The following CSNK1G1 variants were observed in gnomAD, a reference collection of about 807,000 sequenced individuals.
CSNK1G1 encodes casein kinase 1 gamma 1.
Under a neutral mutation model 59.6 loss-of-function variants are expected in CSNK1G1, and 22 were observed. The ratio of observed to expected loss-of-function variants is 0.37; its 90% CI spans 0.26 to 0.53. CSNK1G1 has a LOEUF of 0.53. Ranked by LOEUF, CSNK1G1 falls within the 20% of genes least tolerant of loss-of-function variation. The pLI, the probability that CSNK1G1 is intolerant of heterozygous loss-of-function variation, is 0.89. For synonymous variants in CSNK1G1, 179 were observed against 177.1 expected, an observed-to-expected ratio of 1.01 and a Z score of -0.08; for missense variants, 384 against 519.5, an observed-to-expected ratio of 0.74 and a Z score of 2.54.
chr15:64,190,485 G>A lies in CSNK1G1; in HGVS notation c.1108-10031C>T, dbSNP rs141163282. Among the ~76,000 whole-genome samples, 784 of 152,180 alleles carry A rather than the reference G, an allele frequency of 5.2e-3. 10 individuals carry two copies. The highest frequency in any genetic ancestry group is 0.018 in the African/African-American group (727 of 41,510). On this transcript the variant is annotated intron_variant, in intron 10 of 11. Coordinates refer to ENST00000303052, the MANE Select transcript of CSNK1G1 (RefSeq NM_022048.5). The stretch of plus-strand genomic sequence containing the variant: ...GCTAAAGTGCAATGGCGCGATCTCC[G>A]CTCACCACAACCTCCGCCTCTCAGG...
intron 2 of CSNK1G1, among the ~76,000 whole-genome samples, chr15:64,267,226 C>T (rs1206928300): frequency 2.8e-5 from 4 of 141,494 alleles, no homozygotes; most frequent in Admixed American, 2.2e-4. Context: ...CACTGCACTC[C>T]AGCCTGGGAG....
At chr15:64,208,532 G>A (rs1194134492) in intron 6 of CSNK1G1, among the ~76,000 whole-genome samples, 2 of 152,026 alleles carry the variant, frequency 1.3e-5, no homozygotes, top group Non-Finnish European at 2.9e-5. Context: ...ACACACCTTC[G>A]TTTCTTTATT....
chr15:64,208,669 A>G (rs528132054), intron 6 of CSNK1G1, among the ~76,000 whole-genome samples: 109 of 152,240 alleles, frequency 7.2e-4, no homozygotes, highest in Middle Eastern at 3.4e-3. Context: ...AGCTAGGAAT[A>G]TAAGTGTGTG....
intron 2 of CSNK1G1, among the ~76,000 whole-genome samples, chr15:64,290,791 AC>A (rs1427999425): frequency 2.6e-5 from 4 of 152,114 alleles, no homozygotes; most frequent in African/African-American, 7.2e-5. Context: ...CGTTCTTGTC[AC>A]CCAGACTAGA....
rs115990050 is a variant in CSNK1G1 at position 64,340,101 on chromosome 15, A to G, written c.-225+15887T>C. Among the ~76,000 whole-genome samples, 222 of 152,292 alleles carry G rather than the reference A, an allele frequency of 1.5e-3. 1 individual carries two copies. Among genetic ancestry groups the G allele is most frequent in the African/African-American group, 5.2e-3 (216 of 41,568 alleles). On this transcript the variant is annotated intron_variant, in intron 1 of 11. Transcript: ENST00000303052. The stretch of plus-strand genomic sequence containing the variant: ...CATTTTTTTAAAAAACTGAGTCCTA[A>G]TTTAGTTTGCACTGTCATCGAAGGT...
chr15:64,281,983 G>A (rs896872258), intron 2 of CSNK1G1, among the ~76,000 whole-genome samples: 12 of 150,698 alleles, frequency 8.0e-5, no homozygotes, highest in Non-Finnish European at 1.0e-4. Flanking sequence ...GTGTAGTGGC[G>A]CAATCTAGGC....
At chr15:64,334,118 TAC>T (rs1169785456) in intron 1 of CSNK1G1, among the ~76,000 whole-genome samples, 2 of 152,196 alleles carry the variant, frequency 1.3e-5, no homozygotes, top group African/African-American at 4.8e-5. Context: ...CTGCAAGATA[TAC>T]AGTCTTCTCA....
chr15:64,265,267 G>A (rs1892915365), intron 2 of CSNK1G1, among the ~76,000 whole-genome samples: 1 of 152,198 alleles, frequency 6.6e-6, no homozygotes, highest in Admixed American at 6.5e-5. Context: ...CACAGTGTGT[G>A]GGAGGAAATA....
At chr15:64,182,620 T>G (rs2081834194) in intron 10 of CSNK1G1, among the ~76,000 whole-genome samples, 1 of 152,200 alleles carries the variant, frequency 6.6e-6, no homozygotes, top group Non-Finnish European at 1.5e-5. Context: ...TAGAATGTCT[T>G]CGTTCTTAGA....
intron 10 of CSNK1G1, among the ~76,000 whole-genome samples, chr15:64,182,685 T>C (rs916311831): frequency 2.0e-5 from 3 of 152,226 alleles, no homozygotes; most frequent in Admixed American, 6.5e-5. Context: ...CAACTTACTT[T>C]CATATGGTTT....
In CSNK1G1 at chr15:64,200,877, G is replaced by C. The variant is rs886214904; in HGVS notation, c.1107+2205C>G. On this transcript the variant is annotated intron_variant, in intron 10 of 11. Coordinates refer to ENST00000303052, the MANE Select transcript of CSNK1G1 (RefSeq NM_022048.5). The surrounding 1 kb of genome is among the most constrained non-coding windows in gnomAD (Gnocchi z 4.3). ...TCATTTCTATATCTCTGCTACCAATGACAATGCAACAGTTTTATGCACATA... is the reference window on the plus strand; with the variant it reads ...TCATTTCTATATCTCTGCTACCAATCACAATGCAACAGTTTTATGCACATA... Among the ~76,000 whole-genome samples, 1 of 152,142 alleles carries C rather than the reference G, an allele frequency of 6.6e-6. No individual in the cohort carries two copies.
At chr15:64,278,634 G>T (rs573949342) in intron 2 of CSNK1G1, among the ~76,000 whole-genome samples, 33 of 151,974 alleles carry the variant, frequency 2.2e-4, no homozygotes, top group African/African-American at 8.0e-4. Context: ...TCACCATGTT[G>T]GCCAAGCTGG....
At chr15:64,182,622 G>A (rs1567359050) in intron 10 of CSNK1G1, among the ~76,000 whole-genome samples, 1 of 152,144 alleles carries the variant, frequency 6.6e-6, no homozygotes, top group Non-Finnish European at 1.5e-5. Context: ...GAATGTCTTC[G>A]TTCTTAGAAG....
At chr15:64,219,648 T>C (rs1240073803) in intron 4 of CSNK1G1, among the ~76,000 whole-genome samples, 5 of 151,946 alleles carry the variant, frequency 3.3e-5, no homozygotes, top group Non-Finnish European at 7.4e-5. Flanking sequence ...TTTCCAGAGA[T>C]GAGCTCCCAC....
At chr15:64,177,071 G>C (rs2081749617) in intron 11 of CSNK1G1, among the ~76,000 whole-genome samples, 1 of 152,172 alleles carries the variant, frequency 6.6e-6, no homozygotes, top group South Asian at 2.1e-4. Context: ...ATATGTCCTG[G>C]AGCTAGAGAA....
rs549371069 is a variant in CSNK1G1, at chr15:64,182,368, C to T, written c.1108-1914G>A. 3.3e-5 allele frequency among the ~76,000 whole-genome samples: 5 copies of T among 152,198 alleles called. No homozygotes were observed. In the East Asian group the frequency reaches 9.6e-4, roughly 29 times the overall value. Reference sequence around the variant, plus strand: ...GATTACAGGCACGAGCCACTGTGCCCGGCCTCCAGCTGAATCTTTATAGAA... The same window carrying T: ...GATTACAGGCACGAGCCACTGTGCCTGGCCTCCAGCTGAATCTTTATAGAA... On this transcript the variant is annotated intron_variant, in intron 10 of 11. Coordinates refer to ENST00000303052, the MANE Select transcript of CSNK1G1 (RefSeq NM_022048.5).
chr15:64,171,132 A>G lies in CSNK1G1; in HGVS notation c.*799T>C, dbSNP rs1271576684. ...AAAACCCCCAATATAACCAGACACA[A>G]TATGCATCTGCCATGTTTTTGTTTT... On this transcript the variant is annotated 3_prime_UTR_variant, in exon 12 of 12. Transcript: ENST00000303052. The surrounding 1 kb of genome is among the most constrained non-coding windows in gnomAD (Gnocchi z 4.8). The G allele has an allele frequency of 6.6e-6, 1 of 151,692 alleles. No individual in the cohort carries two copies. Among genetic ancestry groups the G allele is most frequent in the Admixed American group, 6.6e-5 (1 of 15,166 alleles). The allele number at this position is 151,692 out of a possible 1,614,324, so 9.4% of individuals were successfully genotyped here.
At chr15:64,218,863 T>G (rs1047186710) in intron 4 of CSNK1G1, among the ~76,000 whole-genome samples, 2 of 150,840 alleles carry the variant, frequency 1.3e-5, no homozygotes, top group Non-Finnish European at 3.0e-5. Context: ...TTTTTTTTTT[T>G]TTTTTTTTTT....
chr15:64,186,254 C>T (rs2140219899), intron 10 of CSNK1G1, among the ~76,000 whole-genome samples: 1 of 152,140 alleles, frequency 6.6e-6, no homozygotes, highest in Non-Finnish European at 1.5e-5. Flanking sequence ...CTACAGGTAC[C>T]CACCACCACG....
Sources: allele counts gnomAD v4.1 joint callset (sites outside exome capture counted in the v4.1 genomes callset), GRCh38; gene constraint gnomAD v4.1.1; non-coding constraint Gnocchi (gnomAD v3.1); transcripts MANE v1.5; gene names NCBI Gene and HGNC (gene_info 2026-07-23, HGNC 2026-07-21).